The following ITFG1 variants were observed in gnomAD, a reference collection of about 807,000 sequenced individuals.
ITFG1 encodes T-cell immunomodulatory protein.
ITFG1 carries 34 observed loss-of-function variants against 81.8 expected under a neutral mutation model. That is an observed-to-expected ratio of 0.42 (90% confidence interval 0.32 to 0.55). The LOEUF is 0.55. Ranked by LOEUF, ITFG1 falls within the 20% of genes least tolerant of loss-of-function variation. The pLI is 0.17. For missense variants in ITFG1, 672 were observed against 755.4 expected (o/e 0.89, Z 1.29); for synonymous variants, 285 against 270.6 (o/e 1.05, Z -0.52).
intron 6 of ITFG1, among the ~76,000 whole-genome samples, chr16:47,384,304 A>C (rs906838205): frequency 5.3e-5 from 8 of 152,352 alleles, no homozygotes; most frequent in African/African-American, 1.9e-4. Flanking sequence ...AGGATGGTTA[A>C]AAATACAAAG....
At chr16:47,377,193 T>A (rs1313156802) in intron 6 of ITFG1, among the ~76,000 whole-genome samples, 1 of 152,120 alleles carries the variant, frequency 6.6e-6, no homozygotes, top group Admixed American at 6.6e-5. Context: ...AGGAATTTAT[T>A]TTTATAATTA....
intron 6 of ITFG1, among the ~76,000 whole-genome samples, chr16:47,385,766 C>A (rs911724033): frequency 2.6e-5 from 4 of 152,164 alleles, no homozygotes; most frequent in Admixed American, 6.5e-5. Flanking sequence ...AGACTTCAAC[C>A]TTTCTTTTTT....
At chr16:47,346,321 T>C (rs922462173) in intron 8 of ITFG1, among the ~76,000 whole-genome samples, 3 of 152,212 alleles carry the variant, frequency 2.0e-5, no homozygotes, top group Admixed American at 1.3e-4. Flanking sequence ...TTAAACAACA[T>C]GCTCCTGAAG....
At chr16:47,381,844 A>T (rs1968400079) in intron 6 of ITFG1, among the ~76,000 whole-genome samples, 1 of 152,242 alleles carries the variant, frequency 6.6e-6, no homozygotes, top group Admixed American at 6.5e-5. Flanking sequence ...TCTGTAGCTC[A>T]GAGGTCATCA....
intron 10 of ITFG1, among the ~76,000 whole-genome samples, chr16:47,279,226 A>T (rs1966428568): frequency 6.6e-6 from 1 of 152,176 alleles, no homozygotes; most frequent in Admixed American, 6.5e-5. Flanking sequence ...AATCTAGGTC[A>T]CAAAGACTTT....
intron 5 of ITFG1, among the ~76,000 whole-genome samples, chr16:47,435,309 T>A (rs1245599869): frequency 1.3e-5 from 2 of 152,188 alleles, no homozygotes; most frequent in South Asian, 4.1e-4. Flanking sequence ...TGTGCCCAAC[T>A]CCATTTGAAG....
intron 10 of ITFG1, among the ~76,000 whole-genome samples, chr16:47,301,380 A>G (rs1967073466): frequency 6.6e-6 from 1 of 151,268 alleles, no homozygotes. Flanking sequence ...AGTATTTCCA[A>G]TTTTTCTTTT....
chr16:47,188,535 T>G (rs943050179), intron 14 of ITFG1, among the ~76,000 whole-genome samples: 4 of 146,070 alleles, frequency 2.7e-5, no homozygotes, highest in East Asian at 2.1e-4. Flanking sequence ...ACACCGCATA[T>G]TCTCACTCAT....
chr16:47,300,819 T>C (rs1326309070), intron 10 of ITFG1, among the ~76,000 whole-genome samples: 1 of 152,206 alleles, frequency 6.6e-6, no homozygotes, highest in African/African-American at 2.4e-5. Flanking sequence ...GATTCTAGCA[T>C]AATGCTCCTT....
chr16:47,357,415 C>T (rs1223046671), intron 8 of ITFG1, among the ~76,000 whole-genome samples: 1 of 151,898 alleles, frequency 6.6e-6, no homozygotes, highest in Non-Finnish European at 1.5e-5. Context: ...GAGATCGAGA[C>T]CAACCTGGCT....
chr16:47,436,836 C>T (rs183002287), intron 5 of ITFG1, among the ~76,000 whole-genome samples: 6 of 152,124 alleles, frequency 3.9e-5, no homozygotes, highest in African/African-American at 7.2e-5. Context: ...ATAATCAATT[C>T]ATTAGACCCA....
chr16:47,285,679 T>C (rs1449911756), intron 10 of ITFG1, among the ~76,000 whole-genome samples: 6 of 152,138 alleles, frequency 3.9e-5, no homozygotes, highest in Admixed American at 2.6e-4. Context: ...TCCACACATA[T>C]GGTCACCCAA....
At chr16:47,439,684 A>T (rs1009627460) in intron 5 of ITFG1, among the ~76,000 whole-genome samples, 2 of 152,222 alleles carry the variant, frequency 1.3e-5, no homozygotes, top group Non-Finnish European at 2.9e-5. Flanking sequence ...TCCTGAAGGA[A>T]GCACTAAACA....
chr16:47,265,313 T>C (rs1344371427), intron 10 of ITFG1, among the ~76,000 whole-genome samples: 1 of 95,068 alleles, frequency 1.1e-5, no homozygotes, highest in East Asian at 2.9e-4. Context: ...AGATGGAAAA[T>C]GACACCAGAT....
chr16:47,365,759 C>CTTTTT, intron 8 of ITFG1, 29 bp downstream of exon 8: 1 of 1,101,296 alleles, frequency 9.1e-7, no homozygotes, highest in Non-Finnish European at 1.3e-6. Context: ...AGGCAAAAGC[C>CTTTTT]TTTTTTTTTT....
chr16:47,191,047 T>A (rs1200015008), intron 14 of ITFG1, among the ~76,000 whole-genome samples: 2 of 152,178 alleles, frequency 1.3e-5, no homozygotes, highest in Non-Finnish European at 2.9e-5. Context: ...TTCGCTGATG[T>A]CTCCTTGGCC....
chr16:47,351,061 C>T (rs1181407266), intron 8 of ITFG1, among the ~76,000 whole-genome samples: 1 of 152,146 alleles, frequency 6.6e-6, no homozygotes, highest in Non-Finnish European at 1.5e-5. Flanking sequence ...GGATGTATCT[C>T]AAAATAATAA....
At chr16:47,270,930 G>A (rs1966332363) in intron 10 of ITFG1, among the ~76,000 whole-genome samples, 1 of 152,200 alleles carries the variant, frequency 6.6e-6, no homozygotes, top group Non-Finnish European at 1.5e-5. Context: ...ACAGGGTTAA[G>A]AGGAAACTTT....
At chr16:47,444,153 C>G (rs1969292246) in intron 5 of ITFG1, among the ~76,000 whole-genome samples, 1 of 152,016 alleles carries the variant, frequency 6.6e-6, no homozygotes, top group Admixed American at 6.6e-5. Flanking sequence ...AGAAATGACT[C>G]AATGTATATT....
Sources: allele counts gnomAD v4.1 joint callset (sites outside exome capture counted in the v4.1 genomes callset), GRCh38; gene constraint gnomAD v4.1.1; transcripts MANE v1.5; gene names NCBI Gene and HGNC (gene_info 2026-07-23, HGNC 2026-07-21).